The following MEIKIN variants were observed in gnomAD, a reference collection of about 807,000 sequenced individuals.
MEIKIN encodes meiosis-specific kinetochore protein.
intron 8 of MEIKIN, among the ~76,000 whole-genome samples, chr5:131,897,027 C>T (rs1219066647): frequency 1.3e-5 from 2 of 152,160 alleles, no homozygotes; most frequent in East Asian, 1.9e-4. Flanking sequence ...GTAGCAATTG[C>T]TCCTTTCCAT....
intron 8 of MEIKIN, among the ~76,000 whole-genome samples, chr5:131,908,012 A>G (rs1198983285): frequency 6.6e-6 from 1 of 152,206 alleles, no homozygotes; most frequent in Non-Finnish European, 1.5e-5. Context: ...TATTTAAAGA[A>G]GTACTAATAC....
intron 8 of MEIKIN, among the ~76,000 whole-genome samples, chr5:131,886,623 G>C (rs537406471): frequency 2.6e-5 from 4 of 152,282 alleles, no homozygotes; most frequent in African/African-American, 7.2e-5. Flanking sequence ...GGGATGTCAT[G>C]AGTGCCAGAC....
intron 8 of MEIKIN, among the ~76,000 whole-genome samples, chr5:131,880,034 C>T (rs1750678857): frequency 6.6e-6 from 1 of 152,124 alleles, no homozygotes; most frequent in South Asian, 2.1e-4. Context: ...ATTCTCCTGC[C>T]TCAGCCTCCC....
intron 6 of MEIKIN, among the ~76,000 whole-genome samples, chr5:131,917,938 T>A (rs919720575): frequency 1.3e-5 from 2 of 152,074 alleles, no homozygotes; most frequent in African/African-American, 4.8e-5. Context: ...GTCACCTCAT[T>A]TTTTTTCCCC....
At chr5:131,872,811 T>C (rs1472451355) in intron 9 of MEIKIN, among the ~76,000 whole-genome samples, 1 of 152,156 alleles carries the variant, frequency 6.6e-6, no homozygotes, top group Admixed American at 6.6e-5. Flanking sequence ...CGGCAGAAAC[T>C]CTACAAGCCA....
At chr5:131,945,299 G>C (rs1277297963) in intron 1 of MEIKIN, 50 bp from the exon 2 acceptor site, 2 of 398,834 alleles carry the variant, frequency 5.0e-6, no homozygotes, top group Non-Finnish European at 8.8e-6. Flanking sequence ...CACCGGCTTC[G>C]GGGGGGTCCT....
intron 11 of MEIKIN, among the ~76,000 whole-genome samples, chr5:131,835,843 T>C (rs1749796458): frequency 6.6e-6 from 1 of 152,220 alleles, no homozygotes; most frequent in Non-Finnish European, 1.5e-5. Context: ...TCTGCCTGCC[T>C]CGGCCTCCCA....
chr5:131,811,457 C>G (rs1415158996), intron 12 of MEIKIN, among the ~76,000 whole-genome samples: 2 of 151,648 alleles, frequency 1.3e-5, no homozygotes, highest in Non-Finnish European at 2.9e-5. Context: ...CTGGCACCTG[C>G]AACCATGCCC....
chr5:131,857,491 C>T (rs896103776), intron 9 of MEIKIN, among the ~76,000 whole-genome samples: 3 of 152,134 alleles, frequency 2.0e-5, no homozygotes, highest in Admixed American at 6.5e-5. Flanking sequence ...ATGTCCAGTC[C>T]GATCTGAGTG....
chr5:131,811,583 A>G (rs1223195124), intron 12 of MEIKIN, among the ~76,000 whole-genome samples: 1 of 150,566 alleles, frequency 6.6e-6, no homozygotes, highest in Non-Finnish European at 1.5e-5. Flanking sequence ...CTGGGATTAC[A>G]GGCATGAGCC....
At chr5:131,932,328 T>C (rs1481869678) in intron 5 of MEIKIN, among the ~76,000 whole-genome samples, 1 of 152,218 alleles carries the variant, frequency 6.6e-6, no homozygotes, top group East Asian at 1.9e-4. Flanking sequence ...TGTCTATTAG[T>C]TGGCTCAGGT....
intron 4 of MEIKIN, among the ~76,000 whole-genome samples, chr5:131,936,051 T>C (rs550520210): frequency 6.6e-6 from 1 of 152,304 alleles, no homozygotes; most frequent in Admixed American, 6.5e-5. Flanking sequence ...CAAAATTTCA[T>C]GAATACCCCT....
chr5:131,867,722 T>C lies in MEIKIN; in HGVS notation c.774+11256A>G, dbSNP rs138776116. ...TGGATACCTAATTCCTTTTCAGTGCTAAATAATATTCCATTGTCTGGATAT... is the reference window on the plus strand; with the variant it reads ...TGGATACCTAATTCCTTTTCAGTGCCAAATAATATTCCATTGTCTGGATAT... On this transcript the variant is annotated intron_variant, in intron 9 of 12. Transcript: ENST00000442687. 5.8e-3 allele frequency among the ~76,000 whole-genome samples: 881 copies of C among 152,354 alleles called. 4 individuals carry two copies. The highest frequency in any genetic ancestry group is 0.01 in the Middle Eastern group (3 of 294).
intron 11 of MEIKIN, among the ~76,000 whole-genome samples, chr5:131,841,633 C>T (rs1319035021): frequency 6.6e-6 from 1 of 152,154 alleles, no homozygotes; most frequent in Non-Finnish European, 1.5e-5. Flanking sequence ...TGAAAAATTA[C>T]ATGGGAATCT....
At chr5:131,920,889 T>C (rs1046557374) in intron 6 of MEIKIN, among the ~76,000 whole-genome samples, 7 of 151,886 alleles carry the variant, frequency 4.6e-5, no homozygotes, top group African/African-American at 1.5e-4. Context: ...TTTGTAGAGA[T>C]AGAGGTCTCA....
intron 9 of MEIKIN, among the ~76,000 whole-genome samples, chr5:131,860,596 C>A (rs1400782605): frequency 7.3e-6 from 1 of 136,216 alleles, no homozygotes; most frequent in Non-Finnish European, 1.6e-5. Flanking sequence ...AGGCACCCAC[C>A]ACCATGCCAG....
intron 4 of MEIKIN, among the ~76,000 whole-genome samples, chr5:131,938,650 T>C (rs1474614401): frequency 1.3e-5 from 2 of 152,256 alleles, no homozygotes; most frequent in Non-Finnish European, 2.9e-5. Flanking sequence ...TTTTATTTTT[T>C]AACAAATTTT....
Position 131,815,195 on chromosome 5 carries a change from C to T in MEIKIN, c.1099+3545G>A, listed in dbSNP as rs137914299. 4.8e-3 allele frequency among the ~76,000 whole-genome samples: 726 copies of T among 152,286 alleles called. 5 individuals are homozygous for T. The highest frequency in any genetic ancestry group is 0.017 in the African/African-American group (688 of 41,538). On this transcript the variant is annotated intron_variant, in intron 12 of 12. Coordinates refer to ENST00000442687, the MANE Select transcript of MEIKIN (RefSeq NM_001303622.2). ...AAAAGAATTTCAGTATGAGTCATTG[C>T]TCCTGGAATTCACTGGTCTATGTTC...
chr5:131,919,496 A>G (rs1236938297), intron 6 of MEIKIN, among the ~76,000 whole-genome samples: 1 of 152,216 alleles, frequency 6.6e-6, no homozygotes, highest in African/African-American at 2.4e-5. Flanking sequence ...ATTTATAGGT[A>G]TTTTTGAATC....
Sources: allele counts gnomAD v4.1 joint callset (sites outside exome capture counted in the v4.1 genomes callset), GRCh38; gene constraint gnomAD v4.1.1; transcripts MANE v1.5; gene names NCBI Gene and HGNC (gene_info 2026-07-23, HGNC 2026-07-21).